Variants in MAP7 observed in about 807,000 individuals in gnomAD.
MAP7 encodes the protein ensconsin.
MAP7 carries 52 observed loss-of-function variants against 94.8 expected under a neutral mutation model. The observed-to-expected ratio is 0.55, with a 90% CI of 0.44 to 0.69. The LOEUF (loss-of-function observed/expected upper bound fraction) is 0.69. MAP7 is among the 30% of genes least tolerant of loss of function. The probability of loss-of-function intolerance (pLI) is 0.00; values close to 1 mark genes in which losing one functional copy is unlikely to be tolerated. For synonymous variants in MAP7, 350 were observed against 357.0 expected, an observed-to-expected ratio of 0.98 and a Z score of 0.22; for missense variants, 940 against 964.6, an observed-to-expected ratio of 0.97 and a Z score of 0.34.
At chr6:136,505,295 A>G (rs1355118086) in intron 1 of MAP7, among the ~76,000 whole-genome samples, 1 of 134,362 alleles carries the variant, frequency 7.4e-6, no homozygotes, top group African/African-American at 2.9e-5. Context: ...ATATATATAT[A>G]TATATATATA....
Position 136,343,369 on chromosome 6 carries a change from AAAGATAAG to A in MAP7, c.*851_*858del, listed in dbSNP as rs1317252415. 6.5e-6 allele frequency: 1 copy of A among 152,702 alleles called. No individual in the cohort carries two copies. Among genetic ancestry groups the A allele is most frequent in the African/African-American group, 2.4e-5 (1 of 41,478 alleles). The allele number at this position is 152,702 out of a possible 1,614,324, so 9.5% of individuals were successfully genotyped here. On this transcript the variant is annotated 3_prime_UTR_variant, in exon 18 of 18. Transcript: ENST00000354570. ...AACATAATTTGTGATCAGGTAAGGC[AAAGATAAG>A]TCCACCATCACTGGGGACAGCAGCA...
intron 6 of MAP7, among the ~76,000 whole-genome samples, chr6:136,380,112 C>T (rs1448277817): frequency 1.3e-5 from 2 of 152,076 alleles, no homozygotes; most frequent in Non-Finnish European, 2.9e-5. Flanking sequence ...GCTATGGCAT[C>T]GATCCTATTT....
intron 1 of MAP7, among the ~76,000 whole-genome samples, chr6:136,423,126 C>G (rs574298786): frequency 6.6e-6 from 1 of 152,196 alleles, no homozygotes; most frequent in Non-Finnish European, 1.5e-5. Context: ...ATTCAAGGCC[C>G]TTTCTCCCAG....
chr6:136,549,738 C>T (rs1462372722), intron 1 of MAP7, among the ~76,000 whole-genome samples: 1 of 152,244 alleles, frequency 6.6e-6, no homozygotes, highest in Admixed American at 6.5e-5. Flanking sequence ...TCGCAAACCC[C>T]CACCGTGCTG....
At chr6:136,423,945 G>A (rs1039568069) in intron 1 of MAP7, among the ~76,000 whole-genome samples, 12 of 151,822 alleles carry the variant, frequency 7.9e-5, no homozygotes, top group African/African-American at 2.2e-4. Context: ...ACAGGCATGC[G>A]CCACCACGCC....
At chr6:136,548,378 G>A (rs1261607587) in intron 1 of MAP7, among the ~76,000 whole-genome samples, 2 of 151,996 alleles carry the variant, frequency 1.3e-5, no homozygotes, top group African/African-American at 4.8e-5. Flanking sequence ...TGACACAAAT[G>A]CTTCTGAACA....
intron 3 of MAP7, among the ~76,000 whole-genome samples, chr6:136,407,060 G>T (rs909475672): frequency 6.6e-6 from 1 of 152,144 alleles, no homozygotes; most frequent in Non-Finnish European, 1.5e-5. Flanking sequence ...TTACTAAATG[G>T]GATTATACAT....
At chr6:136,393,798 AT>A (rs61666828) in intron 3 of MAP7, among the ~76,000 whole-genome samples, 58,432 of 84,404 alleles carry the variant, frequency 0.69, 20,333 homozygotes, top group South Asian at 0.78. Context: ...ATTCAGCAAA[AT>A]TTTTTTTTTT....
chr6:136,436,183 CTATT>C (rs1329398378), intron 1 of MAP7, among the ~76,000 whole-genome samples: 1 of 152,134 alleles, frequency 6.6e-6, no homozygotes, highest in Admixed American at 6.5e-5. Flanking sequence ...GTGTGGTTAA[CTATT>C]TAGATTTTTA....
chr6:136,416,805 CAA>C (rs573300458), intron 2 of MAP7, among the ~76,000 whole-genome samples: 9 of 111,040 alleles, frequency 8.1e-5, no homozygotes, highest in African/African-American at 2.3e-4. Context: ...GACTACGTCT[CAA>C]AAAAAAAAAA....
At chr6:136,413,824 C>A (rs1341837569) in intron 2 of MAP7, among the ~76,000 whole-genome samples, 1 of 152,052 alleles carries the variant, frequency 6.6e-6, no homozygotes, top group Admixed American at 6.5e-5. Flanking sequence ...GTTGCCCAGG[C>A]TGCCATATGT....
chr6:136,465,613 A>G (rs1806761116), intron 1 of MAP7, among the ~76,000 whole-genome samples: 2 of 152,214 alleles, frequency 1.3e-5, no homozygotes, highest in Admixed American at 6.5e-5. Flanking sequence ...AGATTATTCT[A>G]TTGTTTAATG....
At chr6:136,346,783 G>T (rs749428524) in intron 16 of MAP7, among the ~76,000 whole-genome samples, 9 of 152,148 alleles carry the variant, frequency 5.9e-5, no homozygotes, top group Non-Finnish European at 1.3e-4. Context: ...TAATTTGGAG[G>T]GGGGAGTAAA....
chr6:136,356,312 C>T (rs558984409), intron 16 of MAP7, among the ~76,000 whole-genome samples: 6 of 152,114 alleles, frequency 3.9e-5, no homozygotes, highest in Non-Finnish European at 8.8e-5. Flanking sequence ...TACAAGCACA[C>T]ACTATCACGT....
intron 3 of MAP7, among the ~76,000 whole-genome samples, chr6:136,391,865 C>T (rs1337215147): frequency 1.3e-5 from 2 of 152,288 alleles, no homozygotes; most frequent in East Asian, 1.9e-4. Flanking sequence ...ATGGGAATAC[C>T]TTACTGGAAG....
chr6:136,422,335 A>C (rs1443293868), intron 1 of MAP7, among the ~76,000 whole-genome samples: 1 of 152,188 alleles, frequency 6.6e-6, no homozygotes, highest in Non-Finnish European at 1.5e-5. Context: ...AGTACAAGTC[A>C]CTTTTCTGAA....
intron 2 of MAP7, chr6:136,420,353 G>A (rs1790913793): frequency 7.9e-6 from 5 of 635,384 alleles, no homozygotes; most frequent in Admixed American, 2.4e-5. Context: ...CAGCCCGGCC[G>A]CGAAGTGGGC....
At chr6:136,441,174 G>A (rs1226482072) in intron 1 of MAP7, among the ~76,000 whole-genome samples, 5 of 152,084 alleles carry the variant, frequency 3.3e-5, no homozygotes, top group East Asian at 3.8e-4. Flanking sequence ...GATCTCTTCC[G>A]CATGCTGATT....
At chr6:136,356,587 C>A in intron 16 of MAP7, 105 bp downstream of exon 16, 1 of 740,694 alleles carries the variant, frequency 1.4e-6, no homozygotes. Flanking sequence ...ATCAATGAGG[C>A]CCCCCCCAAA....
Sources: gnomAD v4.1 joint callset for allele counts (sites outside exome capture counted in the v4.1 genomes callset) on GRCh38, gnomAD v4.1.1 for gene constraint, MANE v1.5 for transcripts, NCBI Gene and HGNC (gene_info 2026-07-23, HGNC 2026-07-21) for gene names.